Variants in TEKT4 observed in about 807,000 individuals in gnomAD.
The protein encoded by TEKT4 is tektin-4.
TEKT4 carries 46 observed loss-of-function variants against 46.0 expected under a neutral mutation model. The ratio of observed to expected loss-of-function variants is 1.00; its 90% confidence interval spans 0.79 to 1.28. The LOEUF (loss-of-function observed/expected upper bound fraction) is 1.28, where lower values mean the gene tolerates loss of function less well. Among genes scored for constraint, TEKT4 ranks in the 50% most tolerant of loss-of-function variants. The probability of loss-of-function intolerance (pLI) is 0.00; values close to 1 mark genes in which losing one functional copy is unlikely to be tolerated. For synonymous variants in TEKT4, 325 were observed against 265.8 expected (o/e 1.22, Z -2.17); for missense variants, 790 against 622.9 (o/e 1.27, Z -2.85).
Position 94,875,486 on chromosome 2 carries a change from T to C in TEKT4, c.937-102T>C, listed in dbSNP as rs1268593991. ...CCAGGGCCACTGGTCAGGACTGCCC[T>C]CTGGACACAGCCCCAAGACCTGGGT... On this transcript the variant is annotated intron_variant, in intron 4 of 5. Coordinates refer to ENST00000295201, the MANE Select transcript of TEKT4 (RefSeq NM_144705.4). The C allele has an allele frequency of 7.7e-6, 12 of 1,561,088 alleles. No homozygotes were observed. In the Admixed American group the frequency reaches 1.7e-4, roughly 22 times the overall value.
Position 94,871,637 on chromosome 2 carries a change from A to G in TEKT4, c.58A>G (p.Asn20Asp). The change falls in exon 1 of 6, where the codon AAC (asparagine) becomes GAC (aspartate). Residue 20 changes from asparagine to aspartate, a missense_variant. Coordinates refer to ENST00000295201, the MANE Select transcript of TEKT4 (RefSeq NM_144705.4). ...LPCKEYDVAR[N>D]TGAYTSSGLA... ...CTGCAAAGAGTACGACGTGGCCCGTAACACGGGCGCCTACACGTCCTCCGG... is the reference window on the plus strand; with the variant it reads ...CTGCAAAGAGTACGACGTGGCCCGTGACACGGGCGCCTACACGTCCTCCGG... The G allele has an allele frequency of 6.2e-7, 1 of 1,612,460 alleles. No individual in the cohort carries two copies. The highest frequency in any genetic ancestry group is 8.5e-7 in the Non-Finnish European group (1 of 1,179,876).
chr2:94,875,566 A>T (rs782330352), intron 4 of TEKT4, 22 bp from the exon 5 acceptor site: 1 of 1,613,886 alleles, frequency 6.2e-7, no homozygotes, highest in African/African-American at 1.3e-5. Context: ...CACAGGCCCA[A>T]GGAGAACTGT....
chr2:94,873,775 C>T (rs1233475033), intron 2 of TEKT4, among the ~76,000 whole-genome samples, 185 bp downstream of exon 2: 3 of 152,156 alleles, frequency 2.0e-5, no homozygotes, highest in South Asian at 2.1e-4. Context: ...GAGCCCAGTG[C>T]CACATCTGAT....
intron 5 of TEKT4, among the ~76,000 whole-genome samples, chr2:94,876,178 A>G (rs77621171): frequency 1.3e-5 from 2 of 152,168 alleles, no homozygotes; most frequent in Non-Finnish European, 2.9e-5. Flanking sequence ...GTTTCCCTTG[A>G]TAACGGATGC....
chr2:94,875,131 A>G (rs1312900088), intron 4 of TEKT4, 133 bp downstream of exon 4: 9 of 955,738 alleles, frequency 9.4e-6, no homozygotes, highest in South Asian at 3.4e-5. Flanking sequence ...CCTATGTAAA[A>G]CCAGGTGACA....
In TEKT4 at chr2:94,874,091, C is replaced by T. The variant is rs782455103; in HGVS notation, c.696C>T (p.Ser232=). The T allele has an allele frequency of 1.4e-5, 23 of 1,613,538 alleles. No individual in the cohort carries two copies. In the South Asian group the frequency reaches 2.1e-4, roughly 15 times the overall value. The part of the protein sequence containing the change: ...QSTEVQAHPY[S]TTFQESASTP... ...CCGAGGTGCAGGCTCATCCGTACTC[C>T]ACCACCTTCCAAGAGAGGTGGGCCC... is the stretch of plus-strand genomic sequence containing the variant. Residue 232 remains serine (S), a synonymous_variant, in exon 3 of 6, where the codon TCC becomes TCT. Coordinates refer to ENST00000295201, the MANE Select transcript of TEKT4 (RefSeq NM_144705.4).
intron 1 of TEKT4, chr2:94,873,096 G>C (rs1196904862): frequency 2.4e-6 from 3 of 1,244,900 alleles, no homozygotes; most frequent in African/African-American, 3.1e-5. Context: ...TCCTGTTCTT[G>C]GTGTGAAGAT....
chr2:94,871,810 G>A lies in TEKT4; in HGVS notation c.231G>A (p.Gln77=), dbSNP rs1553394570. ...GCCAGCAGCTGGCCACAGAGACCCAGGCGCTGGCGCAGCGCACGCAGCAAG... is the reference window on the plus strand; with the variant it reads ...GCCAGCAGCTGGCCACAGAGACCCAAGCGCTGGCGCAGCGCACGCAGCAAG... ...HESQQLATET[Q]ALAQRTQQDS... Residue 77 remains glutamine (Q), a synonymous_variant, in exon 1 of 6, where the codon CAG becomes CAA. Coordinates refer to ENST00000295201, the MANE Select transcript of TEKT4 (RefSeq NM_144705.4). 1 of 1,609,562 alleles carries A rather than the reference G, an allele frequency of 6.2e-7. No individual in the cohort carries two copies. The highest frequency in any genetic ancestry group is 1.3e-5 in the African/African-American group (1 of 74,906).
chr2:94,871,802 G>A lies in TEKT4; in HGVS notation c.223G>A (p.Glu75Lys). ...GCACGAGAGCCAGCAGCTGGCCACA[G>A]AGACCCAGGCGCTGGCGCAGCGCAC... ...QRHESQQLAT[E>K]TQALAQRTQQ... The change falls in exon 1 of 6, where the codon GAG becomes AAG. Residue 75 changes from glutamate to lysine, a missense_variant. Transcript: ENST00000295201. 1.2e-6 allele frequency: 2 copies of A among 1,610,712 alleles called. No homozygotes were observed. The highest frequency in any genetic ancestry group is 1.7e-6 in the Non-Finnish European group (2 of 1,178,822).
intron 1 of TEKT4, chr2:94,872,279 G>A: frequency 1.5e-6 from 1 of 649,052 alleles, no homozygotes; most frequent in Admixed American, 3.0e-5. Flanking sequence ...CTTCCAAGCA[G>A]CTGTTTCTCC....
At position 94,875,629 on chromosome 2, in the gene TEKT4, A is replaced by C; in HGVS notation, c.978A>C (p.Ala326=). Residue 326 remains alanine (A), a synonymous_variant, in exon 5 of 6, where the codon GCA becomes GCC. Coordinates refer to ENST00000295201, the MANE Select transcript of TEKT4 (RefSeq NM_144705.4). ...CAGATCAGGAACACAACGTGGCGGCACTGAAGCAGGCCATCAAGGACAAAG... is the reference window on the plus strand; with the variant it reads ...CAGATCAGGAACACAACGTGGCGGCCCTGAAGCAGGCCATCAAGGACAAAG... ...EITDQEHNVA[A]LKQAIKDKEA... is the part of the protein sequence containing the mutation. 6.2e-7 allele frequency: 1 copy of C among 1,614,190 alleles called. No homozygotes were observed. Among genetic ancestry groups the C allele is most frequent in the Non-Finnish European group, 8.5e-7 (1 of 1,180,008 alleles).
Position 94,873,682 on chromosome 2 carries a change from A to G in TEKT4, c.569+92A>G, listed in dbSNP as rs1553395417. The stretch of plus-strand genomic sequence containing the variant: ...TGAACGACAGGACCCTGAGACTCAG[A>G]GCCAGCAGGGGCTGCCCCAGGTCAC... On this transcript the variant is annotated intron_variant, in intron 2 of 5. Transcript: ENST00000295201. 3 of 1,531,770 alleles carry G rather than the reference A, an allele frequency of 2.0e-6. No homozygotes were observed. The African/African-American group carries it at 4.1e-5, about 21-fold the overall frequency. 94.9% of individuals were successfully genotyped at this position (1,531,770 alleles called of 1,614,324 possible).
At chr2:94,872,905 T>G (rs1444607608) in intron 1 of TEKT4, 3 of 1,289,302 alleles carry the variant, frequency 2.3e-6, no homozygotes, top group Non-Finnish European at 3.0e-6. Flanking sequence ...TGCCAACTGA[T>G]GGAGACACTG....
Position 94,871,759 on chromosome 2 carries a change from C to A in TEKT4, c.180C>A (p.Asp60Glu), listed in dbSNP as rs1347916517. 1.2e-6 allele frequency: 2 copies of A among 1,612,474 alleles called. No individual in the cohort carries two copies. Among genetic ancestry groups the A allele is most frequent in the Non-Finnish European group, 1.7e-6 (2 of 1,179,884 alleles). ...ACCACCAGGCCTTCGCCGACCGCGA[C>A]CAGTCGGAGCGGCAGCGGCACGAGA... ...ARYHQAFADR[D>E]QSERQRHESQ... is the part of the protein sequence containing the mutation. Residue 60 changes from aspartate to glutamate, a missense_variant, in exon 1 of 6, where the codon GAC becomes GAA. Asp to Glu is a conservative substitution (Grantham distance 45). Transcript: ENST00000295201.
In TEKT4 at chr2:94,875,089, G is replaced by A. The variant is rs1452680959; in HGVS notation, c.936+91G>A. On this transcript the variant is annotated intron_variant, in intron 4 of 5. Coordinates refer to ENST00000295201, the MANE Select transcript of TEKT4 (RefSeq NM_144705.4). ...CTCCTCTGTCCCATTTATCCCGAGG[G>A]ACCCCAGAAGCAAGTGTCTCCTCTC... is the stretch of plus-strand genomic sequence containing the variant. 78 of 1,327,028 alleles carry A rather than the reference G, an allele frequency of 5.9e-5. No individual in the cohort carries two copies. In the African/African-American group the frequency reaches 9.7e-4, roughly 17 times the overall value. The allele number at this position is 1,327,028 out of a possible 1,614,324, so 82.2% of individuals were successfully genotyped here. A position where few individuals can be genotyped will look rare whatever the true frequency, so the allele number is the denominator to read the frequency against.
chr2:94,875,332 G>A (rs782572310), intron 4 of TEKT4, among the ~76,000 whole-genome samples: 3 of 152,140 alleles, frequency 2.0e-5, no homozygotes, highest in African/African-American at 4.8e-5. Flanking sequence ...CAGTCCTTGA[G>A]CAGGATTCAG....
At chr2:94,872,646 G>A in intron 1 of TEKT4, 1 of 388,256 alleles carries the variant, frequency 2.6e-6, no homozygotes, top group Non-Finnish European at 4.7e-6. Flanking sequence ...AGAATTCTCT[G>A]ACCTCTCAGA....
In TEKT4 at chr2:94,871,648, C is replaced by T; in HGVS notation, c.69C>T (p.Ala23=). 6.2e-7 allele frequency: 1 copy of T among 1,612,564 alleles called. No homozygotes were observed. The highest frequency in any genetic ancestry group is 8.5e-7 in the Non-Finnish European group (1 of 1,179,924). ...ACGACGTGGCCCGTAACACGGGCGC[C>T]TACACGTCCTCCGGCCTGGCCACCG... ...KEYDVARNTG[A]YTSSGLATAS... is the part of the protein sequence containing the mutation. Residue 23 remains alanine, a synonymous_variant, in exon 1 of 6, where the codon GCC becomes GCT. Transcript: ENST00000295201.
At chr2:94,874,630 G>A in intron 3 of TEKT4, 146 bp from the exon 4 acceptor site, 8 of 752,862 alleles carry the variant, frequency 1.1e-5, no homozygotes, top group South Asian at 1.9e-5. Flanking sequence ...TGAGGGACTG[G>A]GCTTTGTGGG....
Sources: gnomAD v4.1 joint callset for allele counts (sites outside exome capture counted in the v4.1 genomes callset) on GRCh38, gnomAD v4.1.1 for gene constraint, MANE v1.5 for transcripts, NCBI Gene and HGNC (gene_info 2026-07-23, HGNC 2026-07-21) for gene names.